The following PCDH9 variants were observed in gnomAD, a reference collection of about 807,000 sequenced individuals.
PCDH9 encodes the protein protocadherin-9.
PCDH9 carries 24 observed loss-of-function variants against 70.6 expected under a neutral mutation model. That is an observed-to-expected ratio of 0.34 (90% confidence interval 0.25 to 0.48). The LOEUF (loss-of-function observed/expected upper bound fraction) is 0.48, where lower values mean the gene tolerates loss of function less well. Ranked by LOEUF, PCDH9 falls within the 20% of genes least tolerant of loss-of-function variation. PCDH9 has a pLI of 0.99. For missense variants in PCDH9, 1,281 were observed against 1,503.6 expected, an observed-to-expected ratio of 0.85 and a Z score of 2.45; for synonymous variants, 562 against 558.5, an observed-to-expected ratio of 1.01 and a Z score of -0.09.
intron 3 of PCDH9, among the ~76,000 whole-genome samples, chr13:66,657,347 C>T (rs943626949): frequency 6.6e-6 from 1 of 152,272 alleles, no homozygotes; most frequent in Admixed American, 6.5e-5. Flanking sequence ...AGGGAGGCGC[C>T]TGGCATCTGG....
At chr13:66,873,940 C>CTTTCT (rs1555279671) in intron 3 of PCDH9, among the ~76,000 whole-genome samples, 2 of 111,130 alleles carry the variant, frequency 1.8e-5, no homozygotes, top group Non-Finnish European at 3.7e-5. Flanking sequence ...TTCTTTCTTT[C>CTTTCT]TTTTTTTTTT....
At chr13:66,310,199 A>G (rs1357844488) in intron 4 of PCDH9, among the ~76,000 whole-genome samples, 1 of 151,976 alleles carries the variant, frequency 6.6e-6, no homozygotes, top group Admixed American at 6.6e-5. Flanking sequence ...TGAAAGCAAA[A>G]ACAAAAGCAC....
At chr13:66,694,133 A>G (rs1428595971) in intron 3 of PCDH9, among the ~76,000 whole-genome samples, 2 of 152,230 alleles carry the variant, frequency 1.3e-5, no homozygotes, top group African/African-American at 2.4e-5. Flanking sequence ...AAAGTCATCT[A>G]TGGGTGACAT....
chr13:66,337,407 G>T (rs1351640984), intron 4 of PCDH9, among the ~76,000 whole-genome samples: 1 of 152,040 alleles, frequency 6.6e-6, no homozygotes, highest in Non-Finnish European at 1.5e-5. Flanking sequence ...AAAGACCTAA[G>T]AGTTCTGCAT....
intron 4 of PCDH9, among the ~76,000 whole-genome samples, chr13:66,357,537 A>G (rs775347215): frequency 7.9e-5 from 12 of 152,074 alleles, no homozygotes; most frequent in Non-Finnish European, 1.5e-4. Context: ...CAAATCCTTC[A>G]TAGCTACTCT....
chr13:66,354,217 T>G (rs1956342247), intron 4 of PCDH9, among the ~76,000 whole-genome samples: 2 of 152,166 alleles, frequency 1.3e-5, no homozygotes, highest in Non-Finnish European at 2.9e-5. Flanking sequence ...CCTCTGATTT[T>G]CCAGGAAATT....
intron 3 of PCDH9, among the ~76,000 whole-genome samples, chr13:66,670,169 T>A (rs975030647): frequency 6.6e-6 from 1 of 152,208 alleles, no homozygotes; most frequent in Non-Finnish European, 1.5e-5. Flanking sequence ...ATTATGAGCA[T>A]ATGCATTTCT....
intron 2 of PCDH9, among the ~76,000 whole-genome samples, chr13:67,150,972 C>T (rs1429951176): frequency 6.6e-6 from 1 of 152,188 alleles, no homozygotes; most frequent in African/African-American, 2.4e-5. Flanking sequence ...CATCCACTGC[C>T]TAAGTAAACC....
intron 2 of PCDH9, among the ~76,000 whole-genome samples, chr13:66,992,973 C>T (rs1337536774): frequency 1.3e-5 from 2 of 151,006 alleles, no homozygotes; most frequent in South Asian, 2.1e-4. Context: ...GAAAACATGT[C>T]TGGCCATACC....
chr13:66,818,985 T>C (rs1296532214), intron 3 of PCDH9, among the ~76,000 whole-genome samples: 1 of 151,824 alleles, frequency 6.6e-6, no homozygotes, highest in East Asian at 1.9e-4. Flanking sequence ...TGTGATGATT[T>C]ATTTCAAATG....
At chr13:66,503,596 T>A (rs1959188539) in intron 4 of PCDH9, among the ~76,000 whole-genome samples, 1 of 152,192 alleles carries the variant, frequency 6.6e-6, no homozygotes, top group Non-Finnish European at 1.5e-5. Flanking sequence ...ATACCAATAA[T>A]GTCTGGGTGA....
In PCDH9 at chr13:67,227,126, T is replaced by C. The variant is rs766625874; in HGVS notation, c.1315A>G (p.Ile439Val). 2.5e-6 allele frequency: 4 copies of C among 1,613,888 alleles called. No homozygotes were observed. The Admixed American group carries it at 5.0e-5, about 20-fold the overall frequency. ...YEGTKEFSFK[I>V]VASDSGKPSL... is the part of the protein sequence containing the mutation. Reference sequence around the variant, plus strand: ...GGCTTCCCAGAATCAGAGGCAACAATTTTAAAGCTGAATTCTTTGGTGCCC... The same window carrying C: ...GGCTTCCCAGAATCAGAGGCAACAACTTTAAAGCTGAATTCTTTGGTGCCC... The change falls in exon 2 of 5, where the codon ATT becomes GTT. Residue 439 changes from isoleucine to valine, a missense_variant. Transcript: ENST00000377865. The surrounding 1 kb of genome is among the most constrained non-coding windows in gnomAD (Gnocchi z 4.6).
At chr13:66,994,782 T>C (rs942402983) in intron 2 of PCDH9, among the ~76,000 whole-genome samples, 2 of 152,168 alleles carry the variant, frequency 1.3e-5, no homozygotes, top group Non-Finnish European at 2.9e-5. Flanking sequence ...TCTATAAAAC[T>C]GTACTGACTT....
chr13:66,679,188 G>A (rs1266654884), intron 3 of PCDH9, among the ~76,000 whole-genome samples: 1 of 151,342 alleles, frequency 6.6e-6, no homozygotes, highest in African/African-American at 2.4e-5. Flanking sequence ...ATTATATTCT[G>A]AAAAACAATT....
chr13:66,847,516 A>G (rs1259818248), intron 3 of PCDH9, among the ~76,000 whole-genome samples: 1 of 152,236 alleles, frequency 6.6e-6, no homozygotes, highest in African/African-American at 2.4e-5. Context: ...CTAACAACAT[A>G]CAGTTCAACA....
chr13:66,369,600 G>T lies in PCDH9; in HGVS notation c.3341-64572C>A, dbSNP rs1344263268. ...TACTACTTATTTTTTGAAAAAGAAGGTAATTTTATGTTCCTTATTACTTAA... is the reference window on the plus strand; with the variant it reads ...TACTACTTATTTTTTGAAAAAGAAGTTAATTTTATGTTCCTTATTACTTAA... On this transcript the variant is annotated intron_variant, in intron 4 of 4. Transcript: ENST00000377865. Among the ~76,000 whole-genome samples, 8 of 152,066 alleles carry T rather than the reference G, an allele frequency of 5.3e-5. No homozygotes were observed. The South Asian group carries it at 8.3e-4, about 16-fold the overall frequency.
intron 2 of PCDH9, among the ~76,000 whole-genome samples, chr13:67,055,572 G>A (rs945832572): frequency 1.3e-5 from 2 of 151,974 alleles, no homozygotes; most frequent in Admixed American, 6.6e-5. Context: ...TGCACTTTGC[G>A]AGGCTGAAGC....
At chr13:66,613,332 A>C (rs572707439) in intron 4 of PCDH9, among the ~76,000 whole-genome samples, 1 of 152,324 alleles carries the variant, frequency 6.6e-6, no homozygotes, top group African/African-American at 2.4e-5. Flanking sequence ...CATGAGAATA[A>C]GAGGTTCTTC....
intron 2 of PCDH9, among the ~76,000 whole-genome samples, chr13:67,038,540 T>C (rs2085052091): frequency 6.6e-6 from 1 of 152,178 alleles, no homozygotes; most frequent in Non-Finnish European, 1.5e-5. Context: ...TATAGCAAGC[T>C]GCCTAAAGAA....
Sources: gnomAD v4.1 joint callset for allele counts (sites outside exome capture counted in the v4.1 genomes callset) on GRCh38, gnomAD v4.1.1 for gene constraint, Gnocchi (gnomAD v3.1) non-coding constraint, MANE v1.5 for transcripts, NCBI Gene and HGNC (gene_info 2026-07-23, HGNC 2026-07-21) for gene names.